Variants in UROC1 observed in about 807,000 individuals in gnomAD.
UROC1 encodes urocanate hydratase.
Under a neutral mutation model 89.5 loss-of-function variants are expected in UROC1, and 79 were observed. The ratio of observed to expected loss-of-function variants is 0.88; its 90% CI spans 0.74 to 1.06. The LOEUF (loss-of-function observed/expected upper bound fraction) is 1.06. Among genes scored for constraint, UROC1 ranks in the 50% least tolerant of loss-of-function variants. UROC1 has a pLI of 0.00. For synonymous variants in UROC1, 361 were observed against 354.8 expected (o/e 1.02, Z -0.20); for missense variants, 885 against 907.8 (o/e 0.97, Z 0.32).
intron 11 of UROC1, 100 bp from the exon 12 acceptor site, chr3:126,500,254 GC>G: frequency 8.7e-7 from 1 of 1,152,522 alleles, no homozygotes; most frequent in Non-Finnish European, 1.3e-6. Context: ...CCAACTTCCA[GC>G]CCCACTGCCT....
At chr3:126,496,224 CA>C in intron 14 of UROC1, 116 bp from the exon 15 acceptor site, 1 of 1,071,450 alleles carries the variant, frequency 9.3e-7, no homozygotes, top group Non-Finnish European at 1.4e-6. Flanking sequence ...AGCTAGGACA[CA>C]AGGTGAGGGA....
chr3:126,510,762 G>C lies in UROC1; in HGVS notation c.159C>G (p.Pro53=), dbSNP rs142790681. The part of the protein sequence containing the change: ...LALRNALRYF[P]PDVQELLAPE... ...GGGCCAGCAGCTCCTGGACATCCGG[G>C]GGGAAGTAGCGCAGGGCGTTCCTCA... Residue 53 remains proline (P), a synonymous_variant, in exon 2 of 20, where the codon CCC becomes CCG. Coordinates refer to ENST00000290868, the MANE Select transcript of UROC1 (RefSeq NM_144639.3). The C allele has an allele frequency of 1.9e-6, 3 of 1,614,002 alleles. No individual in the cohort carries two copies. The highest frequency in any genetic ancestry group is 2.2e-5 in the East Asian group (1 of 44,874).
intron 16 of UROC1, among the ~76,000 whole-genome samples, chr3:126,489,981 T>C (rs1458761223): frequency 1.3e-5 from 2 of 152,100 alleles, no homozygotes; most frequent in African/African-American, 4.8e-5. Context: ...CCCTGACCTG[T>C]GCAATAGAGA....
chr3:126,504,117 G>A (rs1936001167), intron 8 of UROC1, 34 bp from the exon 9 acceptor site: 5 of 1,607,474 alleles, frequency 3.1e-6, no homozygotes, highest in Non-Finnish European at 4.3e-6. Flanking sequence ...ACGAGACATG[G>A]GGCCACCCGG....
intron 9 of UROC1, among the ~76,000 whole-genome samples, chr3:126,501,545 G>A (rs934869973): frequency 4.8e-4 from 73 of 152,342 alleles, no homozygotes; most frequent in African/African-American, 1.7e-3. Flanking sequence ...CTGCCTGGGC[G>A]ATCCATGGAA....
chr3:126,487,263 C>T (rs891762463), intron 18 of UROC1, among the ~76,000 whole-genome samples: 5 of 152,218 alleles, frequency 3.3e-5, no homozygotes, highest in Admixed American at 1.3e-4. Flanking sequence ...TGCTCAGCCT[C>T]CTTCAGAGCC....
intron 1 of UROC1, among the ~76,000 whole-genome samples, chr3:126,515,064 C>T (rs1404123822): frequency 6.6e-6 from 1 of 152,056 alleles, no homozygotes; most frequent in Non-Finnish European, 1.5e-5. Context: ...TCCTGACATT[C>T]AAGCAAAGGA....
rs61685564 is a variant in UROC1 at position 126,515,681 on chromosome 3, T to C, written c.126+1913A>G. Among the ~76,000 whole-genome samples, 31 of 3,406 alleles carry C rather than the reference T, an allele frequency of 9.1e-3. 2 individuals are homozygous for C. The highest frequency in any genetic ancestry group is 0.077 in the South Asian group (2 of 26). The allele number at this position is 3,406 out of a possible 152,430, so 2.2% of individuals were successfully genotyped here. Reference sequence around the variant, plus strand: ...CCCCCTAACCCCCAGCACCCACCACTTACCCTCCCCCAACCCCCAGCACCC... The same window carrying C: ...CCCCCTAACCCCCAGCACCCACCACCTACCCTCCCCCAACCCCCAGCACCC... On this transcript the variant is annotated intron_variant, in intron 1 of 19. Coordinates refer to ENST00000290868, the MANE Select transcript of UROC1 (RefSeq NM_144639.3).
intron 19 of UROC1, 35 bp from the exon 20 acceptor site, chr3:126,482,520 C>T: frequency 6.2e-7 from 1 of 1,613,582 alleles, no homozygotes; most frequent in Non-Finnish European, 8.5e-7. Flanking sequence ...TCCATGTCAA[C>T]ATAACCGGGC....
chr3:126,485,526 G>C (rs998556182), intron 18 of UROC1, among the ~76,000 whole-genome samples: 1 of 152,004 alleles, frequency 6.6e-6, no homozygotes, highest in African/African-American at 2.4e-5. Flanking sequence ...GTCACCAGGA[G>C]CTTGCTAGAA....
At chr3:126,501,974 C>T (rs1935933506) in intron 9 of UROC1, 1 of 1,561,144 alleles carries the variant, frequency 6.4e-7, no homozygotes, top group Non-Finnish European at 8.6e-7. Context: ...GCAGAGCTCA[C>T]TCCATTCCCA....
rs1560127294 is a variant in UROC1, at chr3:126,509,499, A to C, written c.351+86T>G. ...TTTCTGTGAATCTATAATTATCTCAAAATTAAGAGCTTAAAAGCATGACAC... is the reference window on the plus strand; with the variant it reads ...TTTCTGTGAATCTATAATTATCTCACAATTAAGAGCTTAAAAGCATGACAC... On this transcript the variant is annotated intron_variant, in intron 3 of 19. Transcript: ENST00000290868. 6.2e-6 allele frequency: 8 copies of C among 1,289,790 alleles called. No homozygotes were observed. In the South Asian group the frequency reaches 8.9e-5, roughly 14 times the overall value. 79.9% of individuals were successfully genotyped at this position (1,289,790 alleles called of 1,614,324 possible).
chr3:126,495,034 G>T (rs1434229486), intron 15 of UROC1, among the ~76,000 whole-genome samples: 1 of 152,150 alleles, frequency 6.6e-6, no homozygotes, highest in East Asian at 1.9e-4. Flanking sequence ...CACAGCTGAG[G>T]ATACGGGAGG....
chr3:126,502,312 T>G (rs1293409145), intron 9 of UROC1, among the ~76,000 whole-genome samples: 2 of 151,544 alleles, frequency 1.3e-5, no homozygotes, highest in Admixed American at 1.3e-4. Context: ...CTGTGCATGT[T>G]TATGCATGTG....
In UROC1 at chr3:126,493,620, G is replaced by T. The variant is rs1239515259; in HGVS notation, c.1510-1104C>A. ...TAGTGTTTAATGGGGACAGAGTTTT[G>T]GTTTGGGAAGGTGAAAAAGCTCTGA... On this transcript the variant is annotated intron_variant, in intron 15 of 19. Transcript: ENST00000290868. Among the ~76,000 whole-genome samples, 3 of 152,316 alleles carry T rather than the reference G, an allele frequency of 2.0e-5. No individual in the cohort carries two copies. The East Asian group carries it at 5.8e-4, about 29-fold the overall frequency.
At chr3:126,490,610 G>C (rs975431055) in intron 16 of UROC1, among the ~76,000 whole-genome samples, 4 of 152,074 alleles carry the variant, frequency 2.6e-5, no homozygotes, top group African/African-American at 9.7e-5. Flanking sequence ...GCTTTAATCT[G>C]GGGGGTGGAG....
chr3:126,516,819 C>T (rs1405418261), intron 1 of UROC1, among the ~76,000 whole-genome samples: 2 of 149,444 alleles, frequency 1.3e-5, no homozygotes, highest in Non-Finnish European at 3.0e-5. Context: ...CCAGTGGGCT[C>T]CGGTGCAAAG....
In UROC1 at chr3:126,506,806, C is replaced by T. The variant is rs868434535; in HGVS notation, c.603-795G>A. On this transcript the variant is annotated intron_variant, in intron 6 of 19. Coordinates refer to ENST00000290868, the MANE Select transcript of UROC1 (RefSeq NM_144639.3). ...TGAAATACTTTGCATTGCCGGCCAC[C>T]GTGGCTCATGCCTGTAATCCCAACA... Among the ~76,000 whole-genome samples, 14 of 152,302 alleles carry T rather than the reference C, an allele frequency of 9.2e-5. No individual in the cohort carries two copies. The South Asian group carries it at 1.9e-3, about 20-fold the overall frequency.
chr3:126,497,529 G>A (rs973971029), intron 14 of UROC1, among the ~76,000 whole-genome samples: 4 of 152,218 alleles, frequency 2.6e-5, no homozygotes, highest in Non-Finnish European at 5.9e-5. Context: ...GAAGGCTGGC[G>A]GGAGCATGTG....
Sources: gnomAD v4.1 joint callset for allele counts (sites outside exome capture counted in the v4.1 genomes callset) on GRCh38, gnomAD v4.1.1 for gene constraint, MANE v1.5 for transcripts, NCBI Gene and HGNC (gene_info 2026-07-23, HGNC 2026-07-21) for gene names.